Variants in NMRAL1 observed in about 807,000 individuals in gnomAD.
NMRAL1 encodes NmrA like redox sensor 1.
A neutral mutation model predicts 27.5 loss-of-function variants in NMRAL1; 32 were observed. The observed-to-expected ratio is 1.16, with a 90% CI of 0.88 to 1.56. NMRAL1 has a LOEUF of 1.56. Among genes scored for constraint, NMRAL1 ranks in the 40% most tolerant of loss-of-function variants. The pLI is 0.00. For missense variants in NMRAL1, 420 were observed against 392.0 expected (o/e 1.07, Z -0.60); for synonymous variants, 166 against 166.8 (o/e 1.00, Z 0.04).
chr16:4,466,048 C>A, intron 4 of NMRAL1, 105 bp downstream of exon 4: 2 of 1,420,390 alleles, frequency 1.4e-6, no homozygotes, highest in Non-Finnish European at 1.9e-6. Context: ...GTGAGGGAGC[C>A]ACGGCTTGAA....
At chr16:4,465,189 G>GGCGT (rs1438172139) in intron 4 of NMRAL1, among the ~76,000 whole-genome samples, 6 of 152,232 alleles carry the variant, frequency 3.9e-5, no homozygotes, top group Admixed American at 3.9e-4. Context: ...TGGGATTACA[G>GGCGT]GCGTAAGCCA....
rs533773140 is a variant in NMRAL1 at position 4,469,774 on chromosome 16, C to T, written c.41-309G>A. ...CCCAGCTACTCAGGAGGCTGAGGCA[C>T]GAGAATTGCTGGAACCCAGGAGGCG... On this transcript the variant is annotated intron_variant, in intron 2 of 5. Transcript: ENST00000283429. 6.5e-5 allele frequency: 21 copies of T among 322,252 alleles called. No homozygotes were observed. The East Asian group carries it at 1.1e-3, about 16-fold the overall frequency. The allele number at this position is 322,252 out of a possible 1,614,324, so 20.0% of individuals were successfully genotyped here.
Position 4,461,956 on chromosome 16 carries a change from T to G in NMRAL1, c.724A>C (p.Thr242Pro). The change falls in exon 6 of 6, where the codon ACT becomes CCT. Residue 242 changes from threonine (T) to proline (P), a missense_variant. Coordinates refer to ENST00000283429, the MANE Select transcript of NMRAL1 (RefSeq NM_020677.6). ...CCAAGCTTTTCGTAGTCCTCAGGAG[T>G]CATCTGGAAGCAGAGGAGCCTGTCG... ...TRKVVHDAKM[T>P]PEDYEKLGFP... is the part of the protein sequence containing the mutation. 6.2e-7 allele frequency: 1 copy of G among 1,608,728 alleles called. No homozygotes were observed. The highest frequency in any genetic ancestry group is 1.7e-4 in the Middle Eastern group (1 of 6,026).
intron 2 of NMRAL1, among the ~76,000 whole-genome samples, chr16:4,472,946 A>G: frequency 6.7e-6 from 1 of 148,336 alleles, no homozygotes; most frequent in African/African-American, 2.5e-5. Context: ...AAGAATGGGG[A>G]GTAACTGTTC....
At position 4,466,416 on chromosome 16, in the gene NMRAL1, AAGG is replaced by A; in HGVS notation, c.280-17_280-15del. On this transcript the variant is annotated splice_polypyrimidine_tract_variant and intron_variant, in intron 3 of 5. Transcript: ENST00000283429. ...GAGCAGCTTCCCCTGGAGGGCAGGG[AAGG>A]AGAGATCACAAGGCTCAGAAGAAGG... The A allele has an allele frequency of 1.2e-6, 2 of 1,608,870 alleles. No individual in the cohort carries two copies. Among genetic ancestry groups the A allele is most frequent in the Non-Finnish European group, 1.7e-6 (2 of 1,177,650 alleles).
Position 4,461,867 on chromosome 16 carries a change from G to C in NMRAL1, c.813C>G (p.Asp271Glu), listed in dbSNP as rs141564520. The C allele has an allele frequency of 1.6e-3, 2,631 of 1,614,202 alleles. 34 individuals carry two copies. The highest frequency in any genetic ancestry group is 0.014 in the Admixed American group (817 of 60,012). ...FRFYALRPDR[D>E]IELTLRLNPK... The stretch of plus-strand genomic sequence containing the variant: ...GGTTGAGTCTCAGGGTCAGCTCGAT[G>C]TCACGGTCGGGTCTCAGGGCATAGA... Residue 271 changes from aspartate to glutamate, a missense_variant, in exon 6 of 6, where the codon GAC (aspartate) becomes GAG (glutamate). Coordinates refer to ENST00000283429, the MANE Select transcript of NMRAL1 (RefSeq NM_020677.6).
Position 4,469,384 on chromosome 16 carries a change from T to C in NMRAL1, c.122A>G (p.Lys41Arg). 1 of 1,614,160 alleles carries C rather than the reference T, an allele frequency of 6.2e-7. No individual in the cohort carries two copies. The highest frequency in any genetic ancestry group is 8.5e-7 in the Non-Finnish European group (1 of 1,180,024). The change falls in exon 3 of 6, where the codon AAG (lysine) becomes AGG (arginine). Residue 41 changes from lysine (K) to arginine (R), a missense_variant. Transcript: ENST00000283429. ...CAGCCTCAGCTCCTTTGCTGCCTTC[T>C]TCCTAGGGTTTCGGGTCACCACTCG... is the stretch of plus-strand genomic sequence containing the variant. ...KVRVVTRNPR[K>R]KAAKELRLQG...
intron 2 of NMRAL1, among the ~76,000 whole-genome samples, chr16:4,473,622 A>AT (rs903989108): frequency 3.1e-4 from 47 of 151,282 alleles, no homozygotes; most frequent in African/African-American, 7.0e-4. Flanking sequence ...TAAGTAACTC[A>AT]TTTTTTTTTA....
At chr16:4,466,509 C>T in intron 3 of NMRAL1, 107 bp from the exon 4 acceptor site, 1 of 1,100,438 alleles carries the variant, frequency 9.1e-7, no homozygotes, top group Non-Finnish European at 1.3e-6. Context: ...GCGAGGTTAA[C>T]ATCTAGACCC....
upstream of NMRAL1, among the ~76,000 whole-genome samples, chr16:4,475,496 G>C (rs2057794969): frequency 6.6e-6 from 1 of 151,780 alleles, no homozygotes; most frequent in African/African-American, 2.4e-5. Context: ...ATTTTTGGTA[G>C]AGACGGGGTT....
chr16:4,474,413 C>A, intron 1 of NMRAL1, 141 bp downstream of exon 1: 1 of 449,496 alleles, frequency 2.2e-6, no homozygotes. Context: ...GTCCCACCGG[C>A]TGGAGTGACC....
chr16:4,464,503 ATCC>A (rs1388028109), intron 4 of NMRAL1, among the ~76,000 whole-genome samples: 1 of 150,596 alleles, frequency 6.6e-6, no homozygotes, highest in African/African-American at 2.5e-5. Flanking sequence ...CTTGGGTCCT[ATCC>A]TCCTTACCTA....
chr16:4,469,134 C>T lies in NMRAL1; in HGVS notation c.279+93G>A, dbSNP rs28445339. On this transcript the variant is annotated intron_variant, in intron 3 of 5. Coordinates refer to ENST00000283429, the MANE Select transcript of NMRAL1 (RefSeq NM_020677.6). ...GGCATGAAGAAGAGGGAAAGGCCTG[C>T]AGTGCTCCAACCTCCCTGCAGAGTC... 1.2e-4 allele frequency: 95 copies of T among 788,842 alleles called. 2 individuals are homozygous for T. The Admixed American group carries it at 1.6e-3, about 14-fold the overall frequency. 48.9% of individuals were successfully genotyped at this position (788,842 alleles called of 1,614,324 possible).
chr16:4,470,579 TGA>T (rs1214920047), intron 2 of NMRAL1, among the ~76,000 whole-genome samples: 2 of 152,150 alleles, frequency 1.3e-5, no homozygotes, highest in East Asian at 3.9e-4. Flanking sequence ...TTTGGGAGGC[TGA>T]GACAGGTGGA....
upstream of NMRAL1, chr16:4,474,687 T>G (rs2057764233): frequency 6.5e-6 from 1 of 153,710 alleles, no homozygotes; most frequent in Non-Finnish European, 1.5e-5. Context: ...CGGCGTCGTT[T>G]CCGGGTTTGC....
At position 4,466,164 on chromosome 16, in the gene NMRAL1, C is replaced by T. The variant is rs763091137; in HGVS notation, c.518G>A (p.Ser173Asn). 6.2e-7 allele frequency: 1 copy of T among 1,614,184 alleles called. No individual in the cohort carries two copies. The highest frequency in any genetic ancestry group is 8.5e-7 in the Non-Finnish European group (1 of 1,180,042). The change falls in exon 4 of 6, where the codon AGC becomes AAC. Residue 173 changes from serine (S) to asparagine (N), a missense_variant. Physicochemically the swap from Ser to Asn is conservative, Grantham distance 46. Transcript: ENST00000283429. ...GAAAGGGCACTTACTCAGCAAGTAG[C>T]TCTTTCCGTCTGGGGCTTTCTGGGG... ...FLPQKAPDGK[S>N]YLLSLPTGDV... is the part of the protein sequence containing the mutation.
chr16:4,473,924 CA>C (rs577228475), intron 2 of NMRAL1, among the ~76,000 whole-genome samples, 168 bp downstream of exon 2: 152 of 141,160 alleles, frequency 1.1e-3, no homozygotes, highest in Admixed American at 1.3e-3. Flanking sequence ...AAACTCCGTC[CA>C]AAAAAAAAAA....
intron 1 of NMRAL1, 96 bp from the exon 2 acceptor site, chr16:4,474,262 T>A (rs1355121124): frequency 3.1e-5 from 27 of 863,778 alleles, no homozygotes; most frequent in Admixed American, 4.7e-5. Flanking sequence ...CGAGTATGTG[T>A]CGAAGGGGGC....
At position 4,469,355 on chromosome 16, in the gene NMRAL1, C is replaced by A. The variant is rs750059757; in HGVS notation, c.151G>T (p.Gly51Cys). 2 of 1,614,106 alleles carry A rather than the reference C, an allele frequency of 1.2e-6. No individual in the cohort carries two copies. The highest frequency in any genetic ancestry group is 1.7e-6 in the Non-Finnish European group (2 of 1,179,928). ...KKAAKELRLQ[G>C]AEVVQGDQDD... ...TGGTCTCCCTGCACTACTTCTGCAC[C>A]TTGCAGCCTCAGCTCCTTTGCTGCC... Residue 51 changes from glycine to cysteine, a missense_variant, in exon 3 of 6, where the codon GGT becomes TGT. Gly to Cys is a radical substitution (Grantham distance 159, BLOSUM62 -3). Transcript: ENST00000283429.
Sources: gnomAD v4.1 joint callset for allele counts (sites outside exome capture counted in the v4.1 genomes callset) on GRCh38, gnomAD v4.1.1 for gene constraint, MANE v1.5 for transcripts, NCBI Gene and HGNC (gene_info 2026-07-23, HGNC 2026-07-21) for gene names.